The following SCN1A variants were observed in gnomAD, a reference collection of about 807,000 sequenced individuals.
SCN1A encodes sodium voltage-gated channel alpha subunit 1, also known as sodium channel protein type 1 subunit alpha.
A neutral mutation model predicts 193.7 loss-of-function variants in SCN1A; 13 were observed. The ratio of observed to expected loss-of-function variants is 0.07; its 90% CI spans 0.04 to 0.11. The LOEUF is 0.11. Ranked by LOEUF, SCN1A falls within the 10% of genes least tolerant of loss-of-function variation. The pLI, the probability that SCN1A is intolerant of heterozygous loss-of-function variation, is 1.00. For missense variants in SCN1A, 1,432 were observed against 2,451.1 expected, an observed-to-expected ratio of 0.58 and a Z score of 8.78; for synonymous variants, 781 against 843.6, an observed-to-expected ratio of 0.93 and a Z score of 1.29.
In SCN1A at chr2:166,000,146, C is replaced by A. The variant is rs561988668; in HGVS notation, c.4285-370G>T. 2.7e-5 allele frequency: 7 copies of A among 258,998 alleles called. No individual in the cohort carries two copies. In the East Asian group the frequency reaches 6.0e-4, roughly 22 times the overall value. 16.0% of individuals were successfully genotyped at this position (258,998 alleles called of 1,614,324 possible). On this transcript the variant is annotated intron_variant, in intron 24 of 28. Transcript: ENST00000674923. ...AGCTCTATCAGCCAAATAATTACAACTTAGATCTAAGGATCATCTGCTAAA... is the reference window on the plus strand; with the variant it reads ...AGCTCTATCAGCCAAATAATTACAAATTAGATCTAAGGATCATCTGCTAAA...
intron 23 of SCN1A, among the ~76,000 whole-genome samples, chr2:166,004,207 T>C (rs894233617): frequency 1.3e-5 from 2 of 151,636 alleles, no homozygotes; most frequent in Non-Finnish European, 3.0e-5. Flanking sequence ...ATTAGATTTC[T>C]TTCAGATTAG....
chr2:166,043,477 A>T (rs895401031), intron 14 of SCN1A, among the ~76,000 whole-genome samples, 192 bp downstream of exon 14: 4 of 152,218 alleles, frequency 2.6e-5, no homozygotes, highest in African/African-American at 7.2e-5. Context: ...AAGTAAATGC[A>T]TTCAGGTTTG....
At chr2:166,111,404 A>G (rs2106197203) in intron 2 of SCN1A, among the ~76,000 whole-genome samples, 1 of 152,176 alleles carries the variant, frequency 6.6e-6, no homozygotes, top group East Asian at 1.9e-4. Context: ...TGCTTTATTG[A>G]ATGTTTTAAG....
At chr2:166,090,652 T>C (rs961469387) in intron 2 of SCN1A, among the ~76,000 whole-genome samples, 4 of 152,174 alleles carry the variant, frequency 2.6e-5, no homozygotes, top group African/African-American at 9.7e-5. Flanking sequence ...TCATAAAATG[T>C]AACTACTATA....
chr2:166,070,871 T>A lies in SCN1A; in HGVS notation c.264+2487A>T, dbSNP rs1287566938. On this transcript the variant is annotated intron_variant, in intron 4 of 28. Coordinates refer to ENST00000674923, the MANE Select transcript of SCN1A (RefSeq NM_001165963.4). The stretch of plus-strand genomic sequence containing the variant: ...TTCTCAAAACATTCATTTATTATTT[T>A]ACAAATAAGGACCCAGCATAGGAGC... Among the ~76,000 whole-genome samples, 7 of 152,300 alleles carry A rather than the reference T, an allele frequency of 4.6e-5. No individual in the cohort carries two copies. In the East Asian group the frequency reaches 1.2e-3, roughly 25 times the overall value.
At chr2:166,011,467 C>T (rs967442480) in intron 22 of SCN1A, among the ~76,000 whole-genome samples, 1 of 150,968 alleles carries the variant, frequency 6.6e-6, no homozygotes, top group South Asian at 2.1e-4. Context: ...TTGGGCTTGC[C>T]GTAAATCTAG....
chr2:166,033,486 C>T (rs62179375), intron 19 of SCN1A, among the ~76,000 whole-genome samples: 39,567 of 151,214 alleles, frequency 0.26, 5,860 homozygotes, highest in Non-Finnish European at 0.34. Flanking sequence ...CTGAGGTGGG[C>T]GGATCACTAT....
In SCN1A at chr2:166,063,052, C is replaced by G. The variant is rs112303644; in HGVS notation, c.265-4364G>C. Among the ~76,000 whole-genome samples, 518 of 152,186 alleles carry G rather than the reference C, an allele frequency of 3.4e-3. 4 individuals are homozygous for G. Among genetic ancestry groups the G allele is most frequent in the Middle Eastern group, 6.8e-3 (2 of 294 alleles). ...TGACATGACTGGCTCCACTTACAAG[C>G]AGCAAGACTTTGTGGTTTAGTACAA... On this transcript the variant is annotated intron_variant, in intron 4 of 28. Transcript: ENST00000674923.
At chr2:166,072,731 A>T (rs947222104) in intron 4 of SCN1A, among the ~76,000 whole-genome samples, 1 of 151,918 alleles carries the variant, frequency 6.6e-6, no homozygotes, top group Non-Finnish European at 1.5e-5. Context: ...AAAAAATTGT[A>T]TAGTAAATCG....
intron 2 of SCN1A, among the ~76,000 whole-genome samples, chr2:166,115,811 A>G (rs1390290254): frequency 6.6e-6 from 1 of 152,330 alleles, no homozygotes; most frequent in Admixed American, 6.5e-5. Flanking sequence ...AATATGCTGC[A>G]CCATATTGCA....
chr2:166,132,378 GTT>G (rs58736740), upstream of SCN1A, among the ~76,000 whole-genome samples: 285 of 149,612 alleles, frequency 1.9e-3, 1 homozygote, highest in African/African-American at 6.2e-3. Context: ...TTTCCTAGTG[GTT>G]TTTTTTTTTC....
At chr2:166,087,962 T>G (rs1200666574) in intron 2 of SCN1A, among the ~76,000 whole-genome samples, 7 of 152,216 alleles carry the variant, frequency 4.6e-5, no homozygotes, top group Admixed American at 4.6e-4. Context: ...CAGATTCATT[T>G]TTTTAAGTCC....
At position 166,013,875 on chromosome 2, in the gene SCN1A, A is replaced by C; in HGVS notation, c.3574T>G (p.Cys1192Gly). ...TEGCVQRFKC[C>G]QINVEEGRGK... ...CTGCCTTCTTCCACATTGATTTGAC[A>C]ACACTTGAATCTTTGTACACAGCCT... is the stretch of plus-strand genomic sequence containing the variant. The change falls in exon 21 of 29, where the codon TGT becomes GGT. Residue 1192 changes from cysteine to glycine, a missense_variant. Physicochemically the swap from Cys to Gly is radical, Grantham distance 159 (BLOSUM62 -3). Coordinates refer to ENST00000674923, the MANE Select transcript of SCN1A (RefSeq NM_001165963.4). The C allele has an allele frequency of 6.2e-7, 1 of 1,612,016 alleles. No individual in the cohort carries two copies. The highest frequency in any genetic ancestry group is 2.2e-5 in the East Asian group (1 of 44,840).
At chr2:166,146,884 A>G (rs1692343497) in intron 1 of SCN1A, among the ~76,000 whole-genome samples, 1 of 152,244 alleles carries the variant, frequency 6.6e-6, no homozygotes, top group African/African-American at 2.4e-5. Context: ...TCTTTAAAAC[A>G]TAGTACTGCT....
rs547207952 is a variant in SCN1A at position 166,124,420 on chromosome 2, G to A, written c.-142+2504C>T. On this transcript the variant is annotated intron_variant, in intron 2 of 28. Transcript: ENST00000674923. The stretch of plus-strand genomic sequence containing the variant: ...AAATTAGCCAGGCATGGTGACACTC[G>A]CCTGTAGTCCCAGCTACTGGGGAGG... Among the ~76,000 whole-genome samples the A allele has an allele frequency of 1.3e-4, 19 of 151,816 alleles. No homozygotes were observed. In the South Asian group the frequency reaches 3.1e-3, roughly 25 times the overall value.
In SCN1A at chr2:165,991,304, T is replaced by C. The variant is rs755419624; in HGVS notation, c.5971A>G (p.Lys1991Glu). ...TGCTCATGTTTTTCCACAATTGGCT[T>C]TGTCACCCGGTCATAGGAAGGTGGA... is the stretch of plus-strand genomic sequence containing the variant. Reference protein sequence around the residue: ...ACPPSYDRVTKPIVEKHEQEG... With the variant: ...ACPPSYDRVTEPIVEKHEQEG... The change falls in exon 29 of 29, where the codon AAG becomes GAG. Residue 1991 changes from lysine to glutamate, a missense_variant. Transcript: ENST00000674923. 1.2e-6 allele frequency: 2 copies of C among 1,613,652 alleles called. No homozygotes were observed. Among genetic ancestry groups the C allele is most frequent in the African/African-American group, 1.3e-5 (1 of 74,974 alleles).
chr2:166,047,915 G>GA lies in SCN1A; in HGVS notation c.1029-148dup, dbSNP rs1459349860. 12 of 975,980 alleles carry GA rather than the reference G, an allele frequency of 1.2e-5. No individual in the cohort carries two copies. The Admixed American group carries it at 1.5e-4, about 13-fold the overall frequency. 60.5% of individuals were successfully genotyped at this position (975,980 alleles called of 1,614,324 possible). Reference sequence around the variant, plus strand: ...GTAACTAATCTATTTCCCAACTTTTGACTGCATATAGTCTTATTAGCTACT... The same window carrying GA: ...GTAACTAATCTATTTCCCAACTTTTGAACTGCATATAGTCTTATTAGCTACT... On this transcript the variant is annotated intron_variant, in intron 10 of 28. Transcript: ENST00000674923.
At chr2:166,145,125 T>C (rs7421315) in intron 1 of SCN1A, among the ~76,000 whole-genome samples, 1 of 101,216 alleles carries the variant, frequency 9.9e-6, no homozygotes, top group Non-Finnish European at 2.3e-5. Flanking sequence ...CGTGAGCCAC[T>C]GCACCTGGCC....
chr2:166,075,767 A>G (rs962039386), intron 3 of SCN1A, among the ~76,000 whole-genome samples: 9 of 152,066 alleles, frequency 5.9e-5, no homozygotes, highest in African/African-American at 1.9e-4. Flanking sequence ...TGGAGTTTGT[A>G]TGAACTTATT....
Sources: allele counts gnomAD v4.1 joint callset (sites outside exome capture counted in the v4.1 genomes callset), GRCh38; gene constraint gnomAD v4.1.1; transcripts MANE v1.5; gene names NCBI Gene and HGNC (gene_info 2026-07-23, HGNC 2026-07-21).